Variants in RNF130 observed in about 807,000 individuals in gnomAD.
The protein encoded by RNF130 is E3 ubiquitin-protein ligase RNF130.
A neutral mutation model predicts 44.6 loss-of-function variants in RNF130; 21 were observed. The observed-to-expected ratio is 0.47, with a 90% CI of 0.33 to 0.68. RNF130 has a LOEUF of 0.68. Ranked by LOEUF, RNF130 falls within the 30% of genes least tolerant of loss-of-function variation. The probability of loss-of-function intolerance (pLI) is 0.02; values close to 1 mark genes in which losing one functional copy is unlikely to be tolerated. For missense variants in RNF130, 479 were observed against 560.6 expected (o/e 0.85, Z 1.47); for synonymous variants, 214 against 210.4 (o/e 1.02, Z -0.15).
At chr5:180,055,523 A>G (rs1764799265) in intron 1 of RNF130, among the ~76,000 whole-genome samples, 1 of 151,952 alleles carries the variant, frequency 6.6e-6, no homozygotes, top group South Asian at 2.1e-4. Flanking sequence ...GTGGTATACC[A>G]GTTGTCCTAA....
chr5:179,919,303 C>T (rs888319010), exon 8 of RNF130: 4 of 152,914 alleles, frequency 2.6e-5, no homozygotes, highest in Non-Finnish European at 5.8e-5. Context: ...TCCTGTAAGC[C>T]TGTCGGCCGG....
chr5:179,928,503 C>G (rs1405252513), intron 7 of RNF130, among the ~76,000 whole-genome samples: 1 of 152,066 alleles, frequency 6.6e-6, no homozygotes, highest in Non-Finnish European at 1.5e-5. Flanking sequence ...TGAAATGTCT[C>G]TTTGTTTCTT....
At chr5:180,022,011 A>G (rs1183658271) in intron 2 of RNF130, among the ~76,000 whole-genome samples, 1 of 152,228 alleles carries the variant, frequency 6.6e-6, no homozygotes, top group Non-Finnish European at 1.5e-5. Context: ...CATTCGGCCC[A>G]GTTGATCTGT....
Position 179,977,039 on chromosome 5 carries a change from G to C in RNF130, c.848+1164C>G, listed in dbSNP as rs192270572. 5.4e-3 allele frequency: 827 copies of C among 152,320 alleles called. 11 individuals are homozygous for C. Among genetic ancestry groups the C allele is most frequent in the Non-Finnish European group, 8.4e-3 (569 of 68,038 alleles). The allele number at this position is 152,320 out of a possible 1,614,324, so 9.4% of individuals were successfully genotyped here. A position where few individuals can be genotyped will look rare whatever the true frequency, so the allele number is the denominator to read the frequency against. On this transcript the variant is annotated intron_variant, in intron 5 of 8. Coordinates refer to ENST00000521389, the MANE Select transcript of RNF130 (RefSeq NM_018434.6). The surrounding 1 kb of genome is among the most constrained non-coding windows in gnomAD (Gnocchi z 4.1). ...CACAGGCGAGTCCTTTCCTCATGGA[G>C]GAAGGCTTGGTCCCATGTGGGGAGC...
chr5:180,070,234 AGTT>A (rs1351007942), intron 1 of RNF130, among the ~76,000 whole-genome samples: 1 of 152,220 alleles, frequency 6.6e-6, no homozygotes, highest in African/African-American at 2.4e-5. Context: ...CCAAGACAAA[AGTT>A]GTTTCTACGG....
chr5:180,051,041 A>C (rs1032047960), intron 1 of RNF130, among the ~76,000 whole-genome samples: 3 of 151,954 alleles, frequency 2.0e-5, no homozygotes, highest in African/African-American at 4.8e-5. Context: ...GAACTCAAAC[A>C]ATCTGCCCAC....
intron 1 of RNF130, among the ~76,000 whole-genome samples, chr5:180,060,286 T>C (rs1217880673): frequency 6.6e-6 from 1 of 152,214 alleles, no homozygotes; most frequent in Admixed American, 6.5e-5. Context: ...ACTGCGGCAA[T>C]AAGAAACTAA....
At chr5:179,935,538 A>C (rs572138903) in intron 7 of RNF130, among the ~76,000 whole-genome samples, 1 of 152,074 alleles carries the variant, frequency 6.6e-6, no homozygotes, top group South Asian at 2.1e-4. Flanking sequence ...GTGTGTATAC[A>C]TTTTAAATCT....
intron 1 of RNF130, 143 bp downstream of exon 1, chr5:180,071,313 A>G (rs1434352809): frequency 1.3e-6 from 1 of 771,674 alleles, no homozygotes; most frequent in Admixed American, 4.4e-5. Context: ...CGGGCTGTCC[A>G]CGACGGAAGC....
intron 3 of RNF130, among the ~76,000 whole-genome samples, chr5:180,009,387 T>C (rs561808059): frequency 6.6e-6 from 1 of 152,096 alleles, no homozygotes; most frequent in Admixed American, 6.5e-5. Context: ...CATAAAAAGC[T>C]CTCAAAATTC....
At chr5:180,001,424 T>C (rs1383462024) in intron 3 of RNF130, among the ~76,000 whole-genome samples, 1 of 152,130 alleles carries the variant, frequency 6.6e-6, no homozygotes, top group Non-Finnish European at 1.5e-5. Flanking sequence ...AAGTGGGATA[T>C]GTTACCCACA....
rs1582117026 is a variant in RNF130, at chr5:179,914,070, C to T, written c.*6247G>A. 3.3e-5 allele frequency: 5 copies of T among 152,358 alleles called. 1 individual carries two copies. The highest frequency in any genetic ancestry group is 3.3e-4 in the Admixed American group (5 of 15,306). 9.4% of individuals were successfully genotyped at this position (152,358 alleles called of 1,614,324 possible). ...TTCTGCAAGGCTCTTAACCATAGCC[C>T]AGGGAGCTGTGTGAATATTACAATC... is the stretch of plus-strand genomic sequence containing the variant. On this transcript the variant is annotated 3_prime_UTR_variant, in exon 8 of 8. Transcript: ENST00000522208.
At chr5:179,952,655 A>T (rs1762144301), downstream of RNF130, among the ~76,000 whole-genome samples, 1 of 152,224 alleles carries the variant, frequency 6.6e-6, no homozygotes, top group South Asian at 2.1e-4. Context: ...ATTATGACCA[A>T]GTGGGATTTG....
At chr5:180,031,914 G>C (rs887797871) in intron 2 of RNF130, among the ~76,000 whole-genome samples, 2 of 152,184 alleles carry the variant, frequency 1.3e-5, no homozygotes, top group African/African-American at 4.8e-5. Context: ...AACAAAACTT[G>C]GTACTGTATG....
intron 1 of RNF130, among the ~76,000 whole-genome samples, chr5:180,058,615 G>A (rs1441390069): frequency 1.3e-5 from 2 of 152,178 alleles, no homozygotes; most frequent in Non-Finnish European, 2.9e-5. Flanking sequence ...GAGTGTAGTA[G>A]TGTGATCTCG....
chr5:180,030,811 CTTCT>C (rs1333665599), intron 2 of RNF130, among the ~76,000 whole-genome samples: 1 of 152,192 alleles, frequency 6.6e-6, no homozygotes, highest in Non-Finnish European at 1.5e-5. Flanking sequence ...TTGTGTCTGG[CTTCT>C]TTCGTTTAGC....
chr5:180,007,584 A>C (rs1024392648), intron 3 of RNF130, among the ~76,000 whole-genome samples: 2 of 152,200 alleles, frequency 1.3e-5, no homozygotes, highest in African/African-American at 4.8e-5. Flanking sequence ...TAAAAATTTC[A>C]TCAAGCATTT....
At chr5:180,062,086 A>C (rs1582232425) in intron 1 of RNF130, among the ~76,000 whole-genome samples, 1 of 138,984 alleles carries the variant, frequency 7.2e-6, no homozygotes. Context: ...ACGGAGTCTC[A>C]CTCTGTGACC....
At chr5:180,013,451 G>A in intron 2 of RNF130, 140 bp from the exon 3 acceptor site, 1 of 733,410 alleles carries the variant, frequency 1.4e-6, no homozygotes, top group Non-Finnish European at 2.2e-6. Context: ...CAACTGAAAT[G>A]TAGATGCAGC....
Sources: allele counts gnomAD v4.1 joint callset (sites outside exome capture counted in the v4.1 genomes callset), GRCh38; gene constraint gnomAD v4.1.1; non-coding constraint Gnocchi (gnomAD v3.1); transcripts MANE v1.5; gene names NCBI Gene and HGNC (gene_info 2026-07-23, HGNC 2026-07-21).